Variants in ZNF318 observed in about 807,000 individuals in gnomAD.
ZNF318 encodes endocrine regulator.
A neutral mutation model predicts 124.2 loss-of-function variants in ZNF318; 51 were observed. The ratio of observed to expected loss-of-function variants is 0.41; its 90% CI spans 0.33 to 0.52. ZNF318 has a LOEUF of 0.52. Ranked by LOEUF, ZNF318 falls within the 20% of genes least tolerant of loss-of-function variation. The pLI, the probability that ZNF318 is intolerant of heterozygous loss-of-function variation, is 0.23. For missense variants in ZNF318, 2,815 were observed against 2,811.2 expected (o/e 1.00, Z -0.03); for synonymous variants, 1,090 against 1,040.7 (o/e 1.05, Z -0.91).
rs552830297 is a variant in ZNF318, at chr6:43,340,434, C to G, written c.3564G>C (p.Val1188=). 58 of 1,613,988 alleles carry G rather than the reference C, an allele frequency of 3.6e-5. No homozygotes were observed. In the Middle Eastern group the frequency reaches 1.2e-3, roughly 32 times the overall value. The change falls in exon 10 of 10, where the codon GTG becomes GTC. Residue 1188 remains valine, a synonymous_variant. Coordinates refer to ENST00000361428, the MANE Select transcript of ZNF318 (RefSeq NM_014345.3). ...RNLDRQAGLA[V]VLETERRRQS... ...GCCGTCGCCGTTCTGTCTCTAGGAC[C>G]ACAGCCAAGCCAGCTTGGCGGTCCA...
intron 1 of ZNF318, among the ~76,000 whole-genome samples, chr6:43,367,462 C>T (rs1302667267): frequency 6.6e-6 from 1 of 152,096 alleles, no homozygotes; most frequent in Non-Finnish European, 1.5e-5. Flanking sequence ...TGCAACAATC[C>T]ATGCAAGAGG....
chr6:43,340,638 G>A, intron 9 of ZNF318, 136 bp from the exon 10 acceptor site: 3 of 1,493,452 alleles, frequency 2.0e-6, no homozygotes, highest in Non-Finnish European at 2.7e-6. Flanking sequence ...GATGCTATCT[G>A]CTGAGCATCT....
rs569107191 is a variant in ZNF318 at position 43,360,070 on chromosome 6, T to C, written c.549-2305A>G. On this transcript the variant is annotated intron_variant, in intron 2 of 9. Coordinates refer to ENST00000361428, the MANE Select transcript of ZNF318 (RefSeq NM_014345.3). Reference sequence around the variant, plus strand: ...CATATTAGTATAGGGAGAAAAAACATAGGCTCCATGAGGAGTGGCAAGTTC... The same window carrying C: ...CATATTAGTATAGGGAGAAAAAACACAGGCTCCATGAGGAGTGGCAAGTTC... Among the ~76,000 whole-genome samples, 261 of 152,198 alleles carry C rather than the reference T, an allele frequency of 1.7e-3. 1 individual carries two copies. Among genetic ancestry groups the C allele is most frequent in the Admixed American group, 2.8e-3 (43 of 15,288 alleles).
chr6:43,368,216 A>G (rs1461443847), intron 1 of ZNF318, among the ~76,000 whole-genome samples: 2 of 152,204 alleles, frequency 1.3e-5, no homozygotes, highest in Non-Finnish European at 2.9e-5. Context: ...GATTTGGGGA[A>G]CCAGGCGGAT....
Position 43,355,401 on chromosome 6 carries a change from A to G in ZNF318, c.1933T>C (p.Cys645Arg), listed in dbSNP as rs775037593. The G allele has an allele frequency of 1.2e-6, 2 of 1,614,068 alleles. No homozygotes were observed. Among genetic ancestry groups the G allele is most frequent in the East Asian group, 4.5e-5 (2 of 44,884 alleles). ...GAGAAGCGGTGGTCAACTGAGGAAC[A>G]GTGGTCAGCTGAAAAGTATCGGTCA... The part of the protein sequence containing the change: ...SVDRYFSADH[C>R]SSVDHRFSAD... The change falls in exon 4 of 10, where the codon TGT (cysteine) becomes CGT (arginine). Residue 645 changes from cysteine to arginine, a missense_variant. Physicochemically the swap from Cys to Arg is radical, Grantham distance 180. Coordinates refer to ENST00000361428, the MANE Select transcript of ZNF318 (RefSeq NM_014345.3).
chr6:43,360,439 T>C (rs759759380), intron 2 of ZNF318, among the ~76,000 whole-genome samples: 1 of 152,206 alleles, frequency 6.6e-6, no homozygotes, highest in Non-Finnish European at 1.5e-5. Context: ...AGTCCAGCGA[T>C]GGATACTCCC....
intron 2 of ZNF318, among the ~76,000 whole-genome samples, chr6:43,362,509 C>T (rs1475846069): frequency 1.4e-5 from 2 of 140,568 alleles, no homozygotes; most frequent in African/African-American, 2.6e-5. Context: ...TAAACATCTA[C>T]ATACACGTCT....
chr6:43,347,232 T>C (rs1779460324), intron 6 of ZNF318, among the ~76,000 whole-genome samples: 2 of 152,124 alleles, frequency 1.3e-5, no homozygotes, highest in African/African-American at 2.4e-5. Context: ...AGGTTAGTAA[T>C]GAAACTACAG....
Position 43,337,961 on chromosome 6 carries a change from C to T in ZNF318, c.6037G>A (p.Ala2013Thr), listed in dbSNP as rs371279136. Reference sequence around the variant, plus strand: ...GGCATATCCCCCAGATTCCCCAGGGCAGTAAGCTCCTCTACCTTTAAGTCT... The same window carrying T: ...GGCATATCCCCCAGATTCCCCAGGGTAGTAAGCTCCTCTACCTTTAAGTCT... ...ATDLKVEELT[A>T]LGNLGDMPVD... Residue 2013 changes from alanine to threonine, a missense_variant, in exon 10 of 10, where the codon GCC becomes ACC. Ala to Thr is a moderately conservative substitution (Grantham distance 58). Around this residue, in one of 4 missense-constraint regions of ZNF318, gnomAD observed 927 missense variants for 820.6 expected, o/e 1.13. Transcript: ENST00000361428. 1.9e-6 allele frequency: 3 copies of T among 1,614,216 alleles called. No homozygotes were observed. The highest frequency in any genetic ancestry group is 1.7e-6 in the Non-Finnish European group (2 of 1,180,030).
rs1562128434 is a variant in ZNF318, at chr6:43,339,838, T to A, written c.4160A>T (p.Lys1387Ile). 1.2e-6 allele frequency: 2 copies of A among 1,614,174 alleles called. No homozygotes were observed. Among genetic ancestry groups the A allele is most frequent in the South Asian group, 2.2e-5 (2 of 91,084 alleles). Reference protein sequence around the residue: ...LSIKSSGTTAKPLPVVKESSA... With the variant: ...LSIKSSGTTAIPLPVVKESSA... ...AGACTCTTTAACCACTGGCAGAGGT[T>A]TAGCAGTGGTTCCAGAGGACTTAAT... Residue 1387 changes from lysine (K) to isoleucine (I), a missense_variant, in exon 10 of 10, where the codon AAA (lysine) becomes ATA (isoleucine). Coordinates refer to ENST00000361428, the MANE Select transcript of ZNF318 (RefSeq NM_014345.3). The surrounding 1 kb of genome is among the most constrained non-coding windows in gnomAD (Gnocchi z 4.2).
intron 5 of ZNF318, among the ~76,000 whole-genome samples, chr6:43,350,434 C>T (rs989622973): frequency 6.6e-6 from 1 of 152,108 alleles, no homozygotes; most frequent in South Asian, 2.1e-4. Flanking sequence ...AATTCATACT[C>T]ATATAAATGA....
intron 2 of ZNF318, among the ~76,000 whole-genome samples, chr6:43,362,854 C>T (rs1287957478): frequency 6.6e-6 from 1 of 152,180 alleles, no homozygotes; most frequent in African/African-American, 2.4e-5. Flanking sequence ...TGGTTGAAGA[C>T]TAGACTCACT....
intron 6 of ZNF318, among the ~76,000 whole-genome samples, chr6:43,344,320 C>G (rs759788744): frequency 3.9e-5 from 6 of 152,158 alleles, no homozygotes; most frequent in Non-Finnish European, 8.8e-5. Flanking sequence ...ACTGTATACC[C>G]TTTAACCCAG....
intron 2 of ZNF318, among the ~76,000 whole-genome samples, chr6:43,363,025 T>C (rs1371827564): frequency 6.6e-6 from 1 of 152,188 alleles, no homozygotes; most frequent in Admixed American, 6.5e-5. Context: ...AACCTTAATC[T>C]CACTTTCTCT....
In ZNF318 at chr6:43,357,554, G is replaced by A. The variant is rs986755957; in HGVS notation, c.760C>T (p.Arg254Ter). 1 of 1,613,964 alleles carries A rather than the reference G, an allele frequency of 6.2e-7. No homozygotes were observed. The change falls in exon 3 of 10, where the codon CGA becomes TGA. Residue 254 changes from arginine (R) to a stop codon, truncating the protein, a stop_gained. Coordinates refer to ENST00000361428, the MANE Select transcript of ZNF318 (RefSeq NM_014345.3). LOFTEE classifies it high-confidence loss of function. ...DELLRGTERN[R>*]EKLKGYSIRS... The stretch of plus-strand genomic sequence containing the variant: ...ATGGAGTAGCCTTTGAGTTTTTCTC[G>A]ATTCCGTTCTGTTCCCCGCAACAGC...
At position 43,354,899 on chromosome 6, in the gene ZNF318, T is replaced by C. The variant is rs141660717; in HGVS notation, c.2435A>G (p.Asn812Ser). 5.6e-5 allele frequency: 90 copies of C among 1,613,302 alleles called. No homozygotes were observed. In the African/African-American group the frequency reaches 1.1e-3, roughly 20 times the overall value. Residue 812 changes from asparagine to serine, a missense_variant, in exon 4 of 10, where the codon AAC (asparagine) becomes AGC (serine). By Grantham distance (46) the Asn-to-Ser change is conservative (BLOSUM62 1). Around this residue, in one of 4 missense-constraint regions of ZNF318, gnomAD observed 1,377 missense variants for 1,353.5 expected, o/e 1.02. Transcript: ENST00000361428. The stretch of plus-strand genomic sequence containing the variant: ...CCTGTGTGGTTCAGGTACAGGGTGG[T>C]TTGACGGTTGAGAGGTGGGATACAT... ...WPMYPTSQPS[N>S]HPVPEPHRIM...
In ZNF318 at chr6:43,338,652, T is replaced by G; in HGVS notation, c.5346A>C (p.Lys1782Asn). 1.9e-6 allele frequency: 3 copies of G among 1,614,190 alleles called. No individual in the cohort carries two copies. Among genetic ancestry groups the G allele is most frequent in the Non-Finnish European group, 2.5e-6 (3 of 1,180,032 alleles). Residue 1782 changes from lysine (K) to asparagine (N), a missense_variant, in exon 10 of 10, where the codon AAA becomes AAC. Around this residue, in one of 4 missense-constraint regions of ZNF318, gnomAD observed 927 missense variants for 820.6 expected, o/e 1.13. Transcript: ENST00000361428. ...CCTCAGACAGCTCCTTTACCCTTTC[T>G]TTTAGTTCAGTGTTTGTCTCTATCT... Reference protein sequence around the residue: ...ESEIETNTELKERVKELSEGI... With the variant: ...ESEIETNTELNERVKELSEGI...
At chr6:43,368,919 G>A (rs1779796692) in intron 1 of ZNF318, 48 bp downstream of exon 1, 12 of 1,310,624 alleles carry the variant, frequency 9.2e-6, no homozygotes, top group Non-Finnish European at 9.7e-6. Context: ...GAATTCCGGG[G>A]GAGGGGACTG....
chr6:43,358,201 T>C (rs532018598), intron 2 of ZNF318, among the ~76,000 whole-genome samples: 1 of 152,220 alleles, frequency 6.6e-6, no homozygotes, highest in East Asian at 1.9e-4. Flanking sequence ...CTCCAGGTGA[T>C]TTGTCTGTAC....
Sources: allele counts gnomAD v4.1 joint callset (sites outside exome capture counted in the v4.1 genomes callset), GRCh38; gene constraint gnomAD v4.1.1; regional missense constraint gnomAD v4.1.1; non-coding constraint Gnocchi (gnomAD v3.1); transcripts MANE v1.5; gene names NCBI Gene and HGNC (gene_info 2026-07-23, HGNC 2026-07-21).